Variants in EVI5 observed in about 807,000 individuals in gnomAD.
The protein encoded by EVI5 is ecotropic viral integration site 5 protein homolog.
Under a neutral mutation model 112.0 loss-of-function variants are expected in EVI5, and 73 were observed. That is an observed-to-expected ratio of 0.65 (90% confidence interval 0.54 to 0.79). EVI5 has a LOEUF of 0.79. EVI5 is among the 30% of genes least tolerant of loss of function. The probability of loss-of-function intolerance (pLI) is 0.00; values close to 1 mark genes in which losing one functional copy is unlikely to be tolerated. For missense variants in EVI5, 900 were observed against 968.8 expected, an observed-to-expected ratio of 0.93 and a Z score of 0.94; for synonymous variants, 305 against 319.9, an observed-to-expected ratio of 0.95 and a Z score of 0.50.
In EVI5 at chr1:92,666,000, G is replaced by C. The variant is rs202012337; in HGVS notation, c.1159-8C>G. ...ATTTTCTGTGCGTAACCTCTGCCAAGAAAAAAAAAGTTTTATTTGCAAGCA... is the reference window on the plus strand; with the variant it reads ...ATTTTCTGTGCGTAACCTCTGCCAACAAAAAAAAAGTTTTATTTGCAAGCA... On this transcript the variant is annotated splice_region_variant and splice_polypyrimidine_tract_variant and intron_variant, in intron 10 of 19. Transcript: ENST00000684568. 1.8e-5 allele frequency: 28 copies of C among 1,524,104 alleles called. No homozygotes were observed. In the African/African-American group the frequency reaches 3.5e-4, roughly 19 times the overall value. 94.4% of individuals were successfully genotyped at this position (1,524,104 alleles called of 1,614,324 possible).
At chr1:92,533,436 G>A (rs530535940) in intron 19 of EVI5, among the ~76,000 whole-genome samples, 3 of 151,884 alleles carry the variant, frequency 2.0e-5, no homozygotes, top group African/African-American at 4.8e-5. Context: ...AACTCATGAG[G>A]CCAGCATCAT....
intron 19 of EVI5, among the ~76,000 whole-genome samples, chr1:92,532,364 TAGAC>T: frequency 6.6e-6 from 1 of 152,210 alleles, no homozygotes; most frequent in East Asian, 1.9e-4. Flanking sequence ...CTGTCAATAT[TAGAC>T]AGATCAATAA....
At chr1:92,739,347 C>G (rs1570692878) in intron 1 of EVI5, among the ~76,000 whole-genome samples, 1 of 147,878 alleles carries the variant, frequency 6.8e-6, no homozygotes, top group Non-Finnish European at 1.5e-5. Context: ...AGTAATCACA[C>G]ACAAAAAAGG....
chr1:92,770,237 T>C (rs1346395739), intron 1 of EVI5, among the ~76,000 whole-genome samples: 1 of 152,202 alleles, frequency 6.6e-6, no homozygotes, highest in East Asian at 1.9e-4. Flanking sequence ...TTGTACTAAT[T>C]TGTTACAGCC....
At chr1:92,640,370 T>C (rs1659704059) in intron 13 of EVI5, among the ~76,000 whole-genome samples, 1 of 151,880 alleles carries the variant, frequency 6.6e-6, no homozygotes, top group African/African-American at 2.4e-5. Flanking sequence ...CTGACAAAGG[T>C]CTAAAATTCA....
chr1:92,705,164 G>C (rs1671771911), intron 2 of EVI5, among the ~76,000 whole-genome samples: 1 of 152,148 alleles, frequency 6.6e-6, no homozygotes. Context: ...AAGTAAGGCA[G>C]AGCCCCCAAA....
At chr1:92,652,548 A>C (rs1388083218) in intron 13 of EVI5, among the ~76,000 whole-genome samples, 1 of 152,212 alleles carries the variant, frequency 6.6e-6, no homozygotes, top group Admixed American at 6.5e-5. Context: ...TGCTGGCTCC[A>C]AAAGAAATAA....
intron 2 of EVI5, among the ~76,000 whole-genome samples, chr1:92,716,391 G>A (rs1673689623): frequency 6.6e-6 from 1 of 152,108 alleles, no homozygotes; most frequent in Admixed American, 6.5e-5. Flanking sequence ...ACTGTTAGAA[G>A]GAAAACTAAC....
chr1:92,548,778 C>G (rs956684650), intron 19 of EVI5, among the ~76,000 whole-genome samples: 2 of 152,090 alleles, frequency 1.3e-5, no homozygotes, highest in African/African-American at 4.8e-5. Context: ...ACCTAGGAAT[C>G]CAACTTACAA....
chr1:92,585,999 G>A (rs1672717593), intron 18 of EVI5, among the ~76,000 whole-genome samples: 1 of 151,934 alleles, frequency 6.6e-6, no homozygotes, highest in African/African-American at 2.4e-5. Context: ...TACTATTCAG[G>A]TATTTTGTAA....
chr1:92,534,687 C>T (rs1273084451), intron 19 of EVI5, among the ~76,000 whole-genome samples: 1 of 152,060 alleles, frequency 6.6e-6, no homozygotes, highest in Non-Finnish European at 1.5e-5. Flanking sequence ...GGAAAAGATT[C>T]CCTATTTAAT....
chr1:92,576,778 A>C (rs1671154483), intron 18 of EVI5, among the ~76,000 whole-genome samples: 1 of 152,228 alleles, frequency 6.6e-6, no homozygotes. Context: ...GTATTCTCCC[A>C]GTTAAAAATA....
intron 1 of EVI5, among the ~76,000 whole-genome samples, chr1:92,771,608 CTTTTT>C (rs10541210): frequency 8.9e-4 from 125 of 139,858 alleles, no homozygotes; most frequent in Admixed American, 1.2e-3. Context: ...ATTTTCTTTT[CTTTTT>C]TTTTTTTTTT....
At chr1:92,743,090 C>T (rs558157899) in intron 1 of EVI5, among the ~76,000 whole-genome samples, 2 of 152,302 alleles carry the variant, frequency 1.3e-5, no homozygotes, top group East Asian at 3.9e-4. Context: ...TGATGGCTCA[C>T]GCCTGTAATC....
At chr1:92,725,714 T>C (rs1028708925) in intron 2 of EVI5, among the ~76,000 whole-genome samples, 3 of 53,162 alleles carry the variant, frequency 5.6e-5, no homozygotes, top group Non-Finnish European at 1.0e-4. Flanking sequence ...CAGAGTGAGA[T>C]TTTGTTTAAA....
In EVI5 at chr1:92,694,990, TAA is replaced by T. The variant is rs551668295; in HGVS notation, c.909+318_909+319del. Among the ~76,000 whole-genome samples, 376 of 152,328 alleles carry T rather than the reference TAA, an allele frequency of 2.5e-3. 2 individuals carry two copies. Among genetic ancestry groups the T allele is most frequent in the Non-Finnish European group, 4.0e-3 (271 of 68,026 alleles). ...TTTCACTGTATGAGTTAGGAGGTGA[TAA>T]AGAGGTATGATTAACAGTGTAGGCT... On this transcript the variant is annotated intron_variant, in intron 7 of 19. Coordinates refer to ENST00000684568, the MANE Select transcript of EVI5 (RefSeq NM_001350197.2).
chr1:92,524,665 C>T (rs1306715992), intron 19 of EVI5, among the ~76,000 whole-genome samples: 1 of 152,106 alleles, frequency 6.6e-6, no homozygotes, highest in Non-Finnish European at 1.5e-5. Context: ...TTGGGTGAAA[C>T]AGCATCAGAA....
At chr1:92,712,349 T>G (rs530192668) in intron 2 of EVI5, among the ~76,000 whole-genome samples, 162 of 152,206 alleles carry the variant, frequency 1.1e-3, no homozygotes, top group African/African-American at 3.5e-3. Flanking sequence ...AGAATTTTTT[T>G]TTTTCTGTGT....
At chr1:92,678,367 C>T (rs1260551570) in intron 9 of EVI5, among the ~76,000 whole-genome samples, 3 of 151,932 alleles carry the variant, frequency 2.0e-5, no homozygotes, top group African/African-American at 7.3e-5. Context: ...CCAGTCTCTA[C>T]AAAAAATACA....
Sources: gnomAD v4.1 joint callset for allele counts (sites outside exome capture counted in the v4.1 genomes callset) on GRCh38, gnomAD v4.1.1 for gene constraint, MANE v1.5 for transcripts, NCBI Gene and HGNC (gene_info 2026-07-23, HGNC 2026-07-21) for gene names.